FUT8: variants seen among roughly 807,000 people sequenced by gnomAD.
FUT8 encodes alpha-(1,6)-fucosyltransferase.
In FUT8, 29 loss-of-function variants were observed where a neutral mutation model predicts 71.3. That is an observed-to-expected ratio of 0.41 (90% CI 0.30 to 0.55). The LOEUF is 0.55. Among genes scored for constraint, FUT8 ranks in the 20% least tolerant of loss-of-function variants. The pLI, the probability that FUT8 is intolerant of heterozygous loss-of-function variation, is 0.34. For missense variants in FUT8, 544 were observed against 702.1 expected, an observed-to-expected ratio of 0.77 and a Z score of 2.55; for synonymous variants, 254 against 239.3, an observed-to-expected ratio of 1.06 and a Z score of -0.57.
intron 10 of FUT8, among the ~76,000 whole-genome samples, chr14:65,737,996 A>G (rs1367685694): frequency 6.6e-6 from 1 of 152,110 alleles, no homozygotes; most frequent in Non-Finnish European, 1.5e-5. Context: ...ACAACAGTGG[A>G]TACCTGTTGA....
In FUT8 at chr14:65,413,127, C is replaced by T. The variant is rs1371510483; in HGVS notation, c.-413C>T. 6.5e-6 allele frequency: 1 copy of T among 152,840 alleles called. No individual in the cohort carries two copies. Among genetic ancestry groups the T allele is most frequent in the Non-Finnish European group, 1.5e-5 (1 of 68,180 alleles). The allele number at this position is 152,840 out of a possible 1,614,324, so 9.5% of individuals were successfully genotyped here. ...CCTCCACTCAGCCACCCTTCCCACT[C>T]CCCCATCGTGGGGCAGCTGCGGCTG... On this transcript the variant is annotated 5_prime_UTR_variant, in exon 1 of 11. Transcript: ENST00000673929. This position sits in a 1 kb window ranked among gnomAD's most constrained non-coding sequence, Gnocchi z 4.1.
At chr14:65,386,944 T>G in the FUT8 span, among the ~76,000 whole-genome samples, 1 of 148,924 alleles carries the variant, frequency 6.7e-6, no homozygotes, top group Admixed American at 6.9e-5. Flanking sequence ...TGGGTTCAAG[T>G]GATTCTCCCA....
the FUT8 span, among the ~76,000 whole-genome samples, chr14:65,363,290 TTTTGTATTTTTAGTAGA>T: frequency 5.9e-5 from 3 of 51,204 alleles, no homozygotes; most frequent in Non-Finnish European, 2.6e-4. Context: ...CCTGGCTAAT[TTTTGTATTTTTAGTAGA>T]GATGGGGTTT....
At chr14:65,399,327 A>G in the FUT8 span, among the ~76,000 whole-genome samples, 5 of 152,148 alleles carry the variant, frequency 3.3e-5, no homozygotes, top group Admixed American at 3.3e-4. Context: ...AAAAAAAAAG[A>G]TATTTTTTGA....
At chr14:65,384,889 T>C in the FUT8 span, among the ~76,000 whole-genome samples, 2 of 147,368 alleles carry the variant, frequency 1.4e-5, no homozygotes, top group African/African-American at 2.5e-5. This position sits in a 1 kb window ranked among gnomAD's most constrained non-coding sequence, Gnocchi z 4.2. Context: ...TTTCTTAGGT[T>C]AGATACTTTT....
chr14:65,534,648 C>T (rs1022329128), intron 2 of FUT8, among the ~76,000 whole-genome samples: 4 of 149,144 alleles, frequency 2.7e-5, no homozygotes, highest in African/African-American at 7.4e-5. Context: ...CTGGTTCAGT[C>T]ATGGGAGGGT....
chr14:65,704,276 C>T lies in FUT8; in HGVS notation c.836-17499C>T, dbSNP rs115810345. ...TGATGGCATACCTGCTTATTCTAGT[C>T]GTTTCTTTCAAGGGGGCATGACATG... is the stretch of plus-strand genomic sequence containing the variant. On this transcript the variant is annotated intron_variant, in intron 7 of 10. Coordinates refer to ENST00000673929, the MANE Select transcript of FUT8 (RefSeq NM_001371533.1). 6.9e-3 allele frequency among the ~76,000 whole-genome samples: 1,054 copies of T among 152,036 alleles called. 12 individuals carry two copies. Among genetic ancestry groups the T allele is most frequent in the African/African-American group, 0.023 (952 of 41,470 alleles).
Position 65,603,464 on chromosome 14 carries a change from CT to C in FUT8, c.204-12508del, listed in dbSNP as rs1372909333. The stretch of plus-strand genomic sequence containing the variant: ...AGTCTTGGCTTTGGCTTTGTGGGCT[CT>C]TTTTTGGTTCCATGTGAATTTTAGA... On this transcript the variant is annotated intron_variant, in intron 3 of 10. Coordinates refer to ENST00000673929, the MANE Select transcript of FUT8 (RefSeq NM_001371533.1). This position sits in a 1 kb window ranked among gnomAD's most constrained non-coding sequence, Gnocchi z 4.5. Among the ~76,000 whole-genome samples, 2 of 151,280 alleles carry C rather than the reference CT, an allele frequency of 1.3e-5. No individual in the cohort carries two copies. The highest frequency in any genetic ancestry group is 4.9e-5 in the African/African-American group (2 of 41,196).
chr14:65,740,760 A>G (rs1237040546), intron 10 of FUT8, among the ~76,000 whole-genome samples: 1 of 151,970 alleles, frequency 6.6e-6, no homozygotes, highest in African/African-American at 2.4e-5. Context: ...GGTTTTAACC[A>G]TGAGAAACCG....
At chr14:65,498,341 T>C (rs2139755363) in intron 2 of FUT8, among the ~76,000 whole-genome samples, 1 of 152,314 alleles carries the variant, frequency 6.6e-6, no homozygotes, top group South Asian at 2.1e-4. Flanking sequence ...AGTGAGTCTT[T>C]GCATTGGTAT....
At chr14:65,456,396 C>T (rs2065893937) in intron 2 of FUT8, among the ~76,000 whole-genome samples, 1 of 152,096 alleles carries the variant, frequency 6.6e-6, no homozygotes, top group African/African-American at 2.4e-5. Context: ...ATTCATGTTG[C>T]TGTGTGCATC....
chr14:65,666,878 ATCC>A (rs1892242643), intron 6 of FUT8, among the ~76,000 whole-genome samples: 1 of 152,218 alleles, frequency 6.6e-6, no homozygotes, highest in Non-Finnish European at 1.5e-5. Flanking sequence ...ACATACACAA[ATCC>A]ATAAATGTGA....
chr14:65,567,953 A>T (rs1419738888), intron 3 of FUT8, among the ~76,000 whole-genome samples: 1 of 151,862 alleles, frequency 6.6e-6, no homozygotes, highest in Non-Finnish European at 1.5e-5. Flanking sequence ...GGAAAAGTTT[A>T]TGTAAAGTTG....
intron 2 of FUT8, chr14:65,458,225 A>G (rs1425722873): frequency 6.7e-6 from 1 of 148,532 alleles, no homozygotes; most frequent in Non-Finnish European, 1.5e-5. Flanking sequence ...GTGTAAAACA[A>G]TATAAAACAA....
At chr14:65,693,389 C>T (rs939572567) in intron 7 of FUT8, among the ~76,000 whole-genome samples, 16 of 152,252 alleles carry the variant, frequency 1.1e-4, no homozygotes, top group Non-Finnish European at 2.1e-4. Context: ...CGCCTGCAAT[C>T]GCAGGCACTC....
intron 6 of FUT8, among the ~76,000 whole-genome samples, chr14:65,651,742 T>C (rs1460464859): frequency 6.6e-6 from 1 of 152,108 alleles, no homozygotes; most frequent in African/African-American, 2.4e-5. Context: ...ATAAATATAA[T>C]AAACTAAATT....
intron 1 of FUT8, among the ~76,000 whole-genome samples, chr14:65,422,984 CTTT>C (rs34536679): frequency 2.4e-5 from 3 of 127,412 alleles, no homozygotes; most frequent in Non-Finnish European, 3.3e-5. Context: ...TTCTTTCTTT[CTTT>C]TTTTTTTTTT....
rs559553061 is a variant in FUT8 at position 65,621,194 on chromosome 14, A to T, written c.482+4821A>T. Among the ~76,000 whole-genome samples the T allele has an allele frequency of 2.0e-5, 3 of 152,122 alleles. No individual in the cohort carries two copies. The East Asian group carries it at 5.8e-4, about 29-fold the overall frequency. Reference sequence around the variant, plus strand: ...CTATGATAAAGGTTCTGCATTCATTATGTTACTTTATCAGCACAGTAGTCC... The same window carrying T: ...CTATGATAAAGGTTCTGCATTCATTTTGTTACTTTATCAGCACAGTAGTCC... On this transcript the variant is annotated intron_variant, in intron 5 of 10. Transcript: ENST00000673929.
chr14:65,418,161 A>C (rs2065244480), intron 1 of FUT8, among the ~76,000 whole-genome samples: 1 of 152,218 alleles, frequency 6.6e-6, no homozygotes, highest in Non-Finnish European at 1.5e-5. Flanking sequence ...ATAAACTTGA[A>C]AGTGCATAAA....
Sources: gnomAD v4.1 joint callset for allele counts (sites outside exome capture counted in the v4.1 genomes callset) on GRCh38, gnomAD v4.1.1 for gene constraint, Gnocchi (gnomAD v3.1) non-coding constraint, MANE v1.5 for transcripts, NCBI Gene and HGNC (gene_info 2026-07-23, HGNC 2026-07-21) for gene names.